Variants in RNF213 observed in about 807,000 individuals in gnomAD.
RNF213 encodes ring finger protein 213.
In RNF213, 341 loss-of-function variants were observed where a neutral mutation model predicts 514.4. That is an observed-to-expected ratio of 0.66 (90% CI 0.61 to 0.73). The LOEUF (loss-of-function observed/expected upper bound fraction) is 0.73, where lower values mean the gene tolerates loss of function less well. Among genes scored for constraint, RNF213 ranks in the 30% least tolerant of loss-of-function variants. The pLI, the probability that RNF213 is intolerant of heterozygous loss-of-function variation, is 0.00. For missense variants in RNF213, 5,767 were observed against 6,615.6 expected (o/e 0.87, Z 4.45); for synonymous variants, 2,655 against 2,658.2 (o/e 1.00, Z 0.04).
chr17:80,371,891 A>G lies in RNF213; in HGVS notation c.12443A>G (p.Asp4148Gly). ...LLKYSFHDVK[D>G]YIQEYLTLLK... The stretch of plus-strand genomic sequence containing the variant: ...TTCTGCAGCTTTCATGATGTAAAAG[A>G]TTATATTCAGGAATATTTGACCCTG... Residue 4148 changes from aspartate to glycine, a missense_variant, in exon 47 of 68, where the codon GAT becomes GGT. Transcript: ENST00000582970. The G allele has an allele frequency of 6.6e-7, 1 of 1,516,642 alleles. No individual in the cohort carries two copies. The highest frequency in any genetic ancestry group is 9.2e-7 in the Non-Finnish European group (1 of 1,091,222). 93.9% of individuals were successfully genotyped at this position (1,516,642 alleles called of 1,614,324 possible). A position where few individuals can be genotyped will look rare whatever the true frequency, so the allele number is the denominator to read the frequency against.
In RNF213 at chr17:80,336,395, C is replaced by G. The variant is rs1457582025; in HGVS notation, c.4527+17C>G. On this transcript the variant is annotated intron_variant, in intron 23 of 67. Coordinates refer to ENST00000582970, the MANE Select transcript of RNF213 (RefSeq NM_001256071.3). ...AGGAAACTGGTGAGTCTTATTCTGT[C>G]TCTAATGCAGATTTTGTTGAATAGA... 6.5e-7 allele frequency: 1 copy of G among 1,534,996 alleles called. No individual in the cohort carries two copies. The highest frequency in any genetic ancestry group is 8.7e-7 in the Non-Finnish European group (1 of 1,144,922).
At position 80,397,962 on chromosome 17, in the gene RNF213, T is replaced by G. The variant is rs1599238661; in HGVS notation, c.*4464T>G. The G allele has an allele frequency of 6.8e-6, 1 of 148,090 alleles. No homozygotes were observed. Among genetic ancestry groups the G allele is most frequent in the Admixed American group, 6.9e-5 (1 of 14,510 alleles). 9.2% of individuals were successfully genotyped at this position (148,090 alleles called of 1,614,324 possible). On this transcript the variant is annotated 3_prime_UTR_variant, in exon 68 of 68. Transcript: ENST00000582970. ...CCAGTGGAATGCCTGGCCAGAGCAG[T>G]GTGTAGCAGGCCCCCGAGGAGGATC...
rs773203556 is a variant in RNF213 at position 80,376,521 on chromosome 17, C to A, written c.13406C>A (p.Ala4469Asp). The A allele has an allele frequency of 7.4e-6, 12 of 1,614,106 alleles. No homozygotes were observed. Among genetic ancestry groups the A allele is most frequent in the Non-Finnish European group, 1.0e-5 (12 of 1,180,034 alleles). Residue 4469 changes from alanine (A) to aspartate (D), a missense_variant, in exon 52 of 68, where the codon GCC (alanine) becomes GAC (aspartate). Coordinates refer to ENST00000582970, the MANE Select transcript of RNF213 (RefSeq NM_001256071.3). ...CTCTTGGAGCCCCTAAAGAATCTGG[C>A]CTTCTCCCCAGCCACCATGGCGGTA... The part of the protein sequence containing the change: ...NELLEPLKNL[A>D]FSPATMAHAF...
chr17:80,269,778 GTATCTACC>G (rs1389650772), intron 2 of RNF213, among the ~76,000 whole-genome samples: 1 of 151,940 alleles, frequency 6.6e-6, no homozygotes, highest in Non-Finnish European at 1.5e-5. Flanking sequence ...ATCCATCCAT[GTATCTACC>G]TATCTACCTG....
chr17:80,368,004 G>A lies in RNF213; in HGVS notation c.12016G>A (p.Asp4006Asn). 6.2e-7 allele frequency: 1 copy of A among 1,614,224 alleles called. No homozygotes were observed. The highest frequency in any genetic ancestry group is 8.5e-7 in the Non-Finnish European group (1 of 1,180,048). Residue 4006 changes from aspartate (D) to asparagine (N), a missense_variant, in exon 44 of 68, where the codon GAC becomes AAC. Transcript: ENST00000582970. The part of the protein sequence containing the change: ...PCSICLGDAK[D>N]PVCLPCDHVH... The stretch of plus-strand genomic sequence containing the variant: ...CTCCATCTGCCTGGGAGATGCAAAG[G>A]ACCCCGTCTGTCTGCCCTGCGACCA...
At position 80,288,815 on chromosome 17, in the gene RNF213, C is replaced by T; in HGVS notation, c.933+60C>T. The T allele has an allele frequency of 6.2e-7, 1 of 1,612,486 alleles. No homozygotes were observed. Among genetic ancestry groups the T allele is most frequent in the Non-Finnish European group, 8.5e-7 (1 of 1,179,700 alleles). ...CCCTCTCCTGCCCACGGCTGCGCCT[C>T]TTTCATTTAATTATTCAGCAAATAT... On this transcript the variant is annotated intron_variant, in intron 5 of 67. Coordinates refer to ENST00000582970, the MANE Select transcript of RNF213 (RefSeq NM_001256071.3). The surrounding 1 kb of genome is among the most constrained non-coding windows in gnomAD (Gnocchi z 4.9).
intron 20 of RNF213, among the ~76,000 whole-genome samples, chr17:80,329,160 C>T (rs1411521504): frequency 3.3e-5 from 5 of 152,226 alleles, no homozygotes; most frequent in Non-Finnish European, 7.3e-5. Flanking sequence ...CTGGGTTAGA[C>T]GTGGTTCCCA....
intron 17 of RNF213, chr17:80,319,811 A>T: frequency 8.2e-7 from 1 of 1,214,406 alleles, no homozygotes; most frequent in South Asian, 1.6e-5. Context: ...CTCGCAGGCA[A>T]TGCCACATGA....
intron 3 of RNF213, among the ~76,000 whole-genome samples, chr17:80,284,318 C>T (rs757215115): frequency 2.0e-4 from 30 of 151,966 alleles, no homozygotes; most frequent in Non-Finnish European, 4.3e-4. Flanking sequence ...GGGCTCAGAT[C>T]ATGCCATTGC....
At chr17:80,367,370 A>C (rs927670446) in intron 42 of RNF213, among the ~76,000 whole-genome samples, 1 of 152,220 alleles carries the variant, frequency 6.6e-6, no homozygotes, top group Admixed American at 6.5e-5. Flanking sequence ...AAATTTTAAA[A>C]AATTTAAAAA....
intron 17 of RNF213, among the ~76,000 whole-genome samples, chr17:80,323,567 G>A (rs2046201631): frequency 2.0e-5 from 3 of 151,504 alleles, no homozygotes; most frequent in Admixed American, 6.6e-5. Flanking sequence ...GTCTCGCCCT[G>A]TTGCCCAAGC....
chr17:80,286,048 G>A (rs117034436), intron 3 of RNF213, among the ~76,000 whole-genome samples: 7,171 of 152,254 alleles, frequency 0.047, 209 homozygotes, highest in Non-Finnish European at 0.067. Flanking sequence ...TCTCAGTGAG[G>A]CCCTGTTTTA....
rs1487449250 is a variant in RNF213, at chr17:80,364,545, C to T, written c.11863C>T (p.Leu3955=). The T allele has an allele frequency of 1.1e-5, 17 of 1,614,026 alleles. No individual in the cohort carries two copies. The highest frequency in any genetic ancestry group is 1.3e-5 in the Non-Finnish European group (15 of 1,180,022). ...GCTGGTGACCGAGCACGTCTTCTTACTAGACAAGGTGAGTACTTGGGCTGG... is the reference window on the plus strand; with the variant it reads ...GCTGGTGACCGAGCACGTCTTCTTATTAGACAAGGTGAGTACTTGGGCTGG... ...QGLVTEHVFL[L]DKCLRENSDV... is the part of the protein sequence containing the mutation. Residue 3955 remains leucine (L), a synonymous_variant, in exon 42 of 68, where the codon CTA becomes TTA. Coordinates refer to ENST00000582970, the MANE Select transcript of RNF213 (RefSeq NM_001256071.3).
intron 15 of RNF213, among the ~76,000 whole-genome samples, chr17:80,314,120 G>A (rs1303768081): frequency 1.8e-3 from 173 of 93,708 alleles, no homozygotes; most frequent in African/African-American, 2.3e-3. Context: ...TGGTGGTGGT[G>A]AAGGTGATGG....
intron 2 of RNF213, among the ~76,000 whole-genome samples, chr17:80,269,241 A>T (rs1221526967): frequency 6.6e-6 from 1 of 152,042 alleles, no homozygotes; most frequent in Non-Finnish European, 1.5e-5. Flanking sequence ...TCCTCTGACA[A>T]CACCCTCACA....
intron 19 of RNF213, 134 bp downstream of exon 19, chr17:80,328,123 A>T: frequency 8.4e-7 from 1 of 1,189,928 alleles, no homozygotes; most frequent in South Asian, 1.5e-5. Context: ...CTTCTTGCTC[A>T]TAAGTTGATA....
At chr17:80,349,575 T>C (rs2078430199) in intron 29 of RNF213, among the ~76,000 whole-genome samples, 195 bp from the exon 30 acceptor site, 1 of 152,186 alleles carries the variant, frequency 6.6e-6, no homozygotes, top group African/African-American at 2.4e-5. Context: ...CTCCAATGCC[T>C]TTGGCCCTGT....
Position 80,345,909 on chromosome 17 carries a change from A to G in RNF213, c.7574A>G (p.Asn2525Ser), listed in dbSNP as rs773293459. 2 of 1,614,190 alleles carry G rather than the reference A, an allele frequency of 1.2e-6. No individual in the cohort carries two copies. Among genetic ancestry groups the G allele is most frequent in the East Asian group, 2.2e-5 (1 of 44,888 alleles). Residue 2525 changes from asparagine (N) to serine (S), a missense_variant, in exon 29 of 68, where the codon AAT (asparagine) becomes AGT (serine). By Grantham distance (46) the Asn-to-Ser change is conservative (BLOSUM62 1). Transcript: ENST00000582970. The surrounding 1 kb of genome is among the most constrained non-coding windows in gnomAD (Gnocchi z 6.0). ...DSGLHIIAAC[N>S]PYRKHSEEMI... ...GGCCTGCATATTATAGCTGCCTGCA[A>G]TCCATACCGGAAGCACTCTGAGGAG...
intron 61 of RNF213, 84 bp downstream of exon 61, chr17:80,385,705 C>T (rs1022034108): frequency 1.8e-6 from 2 of 1,127,678 alleles, no homozygotes; most frequent in Non-Finnish European, 2.7e-6. Context: ...CTCGGCCCAT[C>T]CCTGTCAACA....
Sources: gnomAD v4.1 joint callset for allele counts (sites outside exome capture counted in the v4.1 genomes callset) on GRCh38, gnomAD v4.1.1 for gene constraint, Gnocchi (gnomAD v3.1) non-coding constraint, MANE v1.5 for transcripts, NCBI Gene and HGNC (gene_info 2026-07-23, HGNC 2026-07-21) for gene names.